Variants in ANO2 observed in about 807,000 individuals in gnomAD.
ANO2 encodes the protein anoctamin 2, also known as anoctamin-2.
Under a neutral mutation model 124.2 loss-of-function variants are expected in ANO2, and 101 were observed. The ratio of observed to expected loss-of-function variants is 0.81; its 90% CI spans 0.69 to 0.96. The LOEUF is 0.96. ANO2 is among the 40% of genes least tolerant of loss of function. The pLI is 0.00. For synonymous variants in ANO2, 486 were observed against 482.5 expected (o/e 1.01, Z -0.09); for missense variants, 1,293 against 1,274.5 (o/e 1.01, Z -0.22).
chr12:5,765,815 C>A (rs762908713), intron 10 of ANO2, among the ~76,000 whole-genome samples: 1 of 152,096 alleles, frequency 6.6e-6, no homozygotes, highest in Admixed American at 6.5e-5. Flanking sequence ...ATACATATAT[C>A]CAATAAGGGA....
intron 10 of ANO2, among the ~76,000 whole-genome samples, chr12:5,760,124 ATTTTAAATGTTTCTAC>A: frequency 6.6e-6 from 1 of 152,318 alleles, no homozygotes; most frequent in African/African-American, 2.4e-5. Flanking sequence ...TTCTTTCTGT[ATTTTAAATGTTTCTAC>A]TTTGTTAATA....
At chr12:5,883,364 AAC>A (rs1164549598) in intron 3 of ANO2, among the ~76,000 whole-genome samples, 3 of 152,184 alleles carry the variant, frequency 2.0e-5, no homozygotes, top group African/African-American at 7.2e-5. Flanking sequence ...ACTCTGTAGA[AAC>A]ACTCATGGAA....
intron 10 of ANO2, among the ~76,000 whole-genome samples, chr12:5,760,205 T>C (rs1435815957): frequency 6.6e-6 from 1 of 152,196 alleles, no homozygotes; most frequent in Non-Finnish European, 1.5e-5. Flanking sequence ...TACCAATTCA[T>C]TATATTTTTT....
chr12:5,813,522 A>G (rs34849640), intron 7 of ANO2, among the ~76,000 whole-genome samples: 46,617 of 152,002 alleles, frequency 0.31, 7,488 homozygotes, highest in Middle Eastern at 0.38. Flanking sequence ...GATGCCAATT[A>G]CATGCAACCA....
chr12:5,763,879 C>T (rs2137110930), intron 10 of ANO2, among the ~76,000 whole-genome samples: 1 of 152,092 alleles, frequency 6.6e-6, no homozygotes, highest in Admixed American at 6.5e-5. Context: ...AAACTAAAAA[C>T]TGGTTGTTTG....
chr12:5,617,869 A>G (rs1158151698), intron 16 of ANO2, among the ~76,000 whole-genome samples: 1 of 152,142 alleles, frequency 6.6e-6, no homozygotes, highest in African/African-American at 2.4e-5. Flanking sequence ...TGTGTTAACT[A>G]CCCACACCCA....
intron 7 of ANO2, among the ~76,000 whole-genome samples, chr12:5,815,300 C>T (rs923706416): frequency 6.6e-6 from 1 of 152,070 alleles, no homozygotes; most frequent in African/African-American, 2.4e-5. Context: ...TAGCAAAACT[C>T]GGGGAGGGAG....
At chr12:5,783,082 C>T (rs1301707641) in intron 10 of ANO2, among the ~76,000 whole-genome samples, 5 of 152,188 alleles carry the variant, frequency 3.3e-5, no homozygotes, top group African/African-American at 4.8e-5. Flanking sequence ...CAGTGTGAGA[C>T]AAGTTCATGT....
At chr12:5,613,051 GTCCTC>G in intron 17 of ANO2, 93 bp from the exon 18 acceptor site, 3 of 1,277,912 alleles carry the variant, frequency 2.3e-6, no homozygotes, top group Non-Finnish European at 3.4e-6. Context: ...CACCACCACT[GTCCTC>G]TTCGAAAGCA....
chr12:5,863,783 T>A (rs1241943951), intron 3 of ANO2, among the ~76,000 whole-genome samples: 1 of 152,194 alleles, frequency 6.6e-6, no homozygotes, highest in South Asian at 2.1e-4. Flanking sequence ...GCAACACTTC[T>A]TGTAACTTTT....
chr12:5,619,851 C>T (rs1373562886), intron 16 of ANO2, among the ~76,000 whole-genome samples: 1 of 152,200 alleles, frequency 6.6e-6, no homozygotes, highest in Non-Finnish European at 1.5e-5. Flanking sequence ...CTGCAGCTGG[C>T]GAGGGAAACT....
At chr12:5,579,301 T>A (rs1942601912) in intron 20 of ANO2, among the ~76,000 whole-genome samples, 1 of 152,144 alleles carries the variant, frequency 6.6e-6, no homozygotes, top group Non-Finnish European at 1.5e-5. Context: ...CAAGAGAGAA[T>A]AAAGAATGTA....
intron 7 of ANO2, among the ~76,000 whole-genome samples, chr12:5,824,260 T>G (rs188756605): frequency 5.7e-4 from 87 of 152,210 alleles, no homozygotes; most frequent in Non-Finnish European, 5.1e-4. Flanking sequence ...TTCTATCATA[T>G]AGTCAGGCTG....
chr12:5,692,821 G>T (rs527909702), intron 14 of ANO2, among the ~76,000 whole-genome samples: 1 of 152,196 alleles, frequency 6.6e-6, no homozygotes, highest in African/African-American at 2.4e-5. Context: ...GAACGCTTCC[G>T]CCAGGCAAAG....
intron 1 of ANO2, among the ~76,000 whole-genome samples, chr12:5,935,671 C>A (rs1942616745): frequency 6.6e-6 from 1 of 152,110 alleles, no homozygotes; most frequent in Non-Finnish European, 1.5e-5. Flanking sequence ...GGAGAAGGAG[C>A]CTGTCATGGG....
At chr12:5,832,643 T>C (rs1218522022) in intron 4 of ANO2, 40 bp from the exon 5 acceptor site, 17 of 1,575,526 alleles carry the variant, frequency 1.1e-5, no homozygotes, top group Middle Eastern at 1.9e-4. Flanking sequence ...AGGGGGCCAC[T>C]TCCAGCAGAG....
At chr12:5,827,411 G>A (rs1197593089) in intron 7 of ANO2, among the ~76,000 whole-genome samples, 1 of 152,210 alleles carries the variant, frequency 6.6e-6, no homozygotes, top group Non-Finnish European at 1.5e-5. Flanking sequence ...GGACCTCTAA[G>A]ACGCTTTTCT....
chr12:5,683,730 T>A (rs1306605780), intron 14 of ANO2, among the ~76,000 whole-genome samples: 1 of 151,676 alleles, frequency 6.6e-6, no homozygotes. Context: ...CACCAAAAAG[T>A]CAAACAGATG....
intron 20 of ANO2, among the ~76,000 whole-genome samples, chr12:5,582,770 T>C (rs1942821105): frequency 6.6e-6 from 1 of 152,216 alleles, no homozygotes; most frequent in Non-Finnish European, 1.5e-5. Context: ...GATTTCTACA[T>C]TTCTGAGCCT....
Sources: allele counts gnomAD v4.1 joint callset (sites outside exome capture counted in the v4.1 genomes callset), GRCh38; gene constraint gnomAD v4.1.1; transcripts MANE v1.5; gene names NCBI Gene and HGNC (gene_info 2026-07-23, HGNC 2026-07-21).